Variants in HPSE2 observed in about 807,000 individuals in gnomAD.
The protein encoded by HPSE2 is inactive heparanase-2.
HPSE2 carries 38 observed loss-of-function variants against 60.5 expected under a neutral mutation model. The ratio of observed to expected loss-of-function variants is 0.63; its 90% CI spans 0.48 to 0.82. HPSE2 has a LOEUF of 0.82. Among genes scored for constraint, HPSE2 ranks in the 40% least tolerant of loss-of-function variants. HPSE2 has a pLI of 0.00. For missense variants in HPSE2, 713 were observed against 740.4 expected, an observed-to-expected ratio of 0.96 and a Z score of 0.43; for synonymous variants, 295 against 293.2, an observed-to-expected ratio of 1.01 and a Z score of -0.06.
At chr10:98,975,464 T>C (rs535434664) in intron 3 of HPSE2, among the ~76,000 whole-genome samples, 3 of 152,038 alleles carry the variant, frequency 2.0e-5, no homozygotes, top group Non-Finnish European at 2.9e-5. Context: ...ACAATAGTCA[T>C]GTGTTCTGGT....
chr10:98,509,272 C>A (rs1355471885), intron 9 of HPSE2, among the ~76,000 whole-genome samples: 1 of 151,856 alleles, frequency 6.6e-6, no homozygotes, highest in Non-Finnish European at 1.5e-5. Context: ...CAAGATCGCG[C>A]CACTGCACTC....
chr10:98,947,990 CA>C (rs1955239859), intron 3 of HPSE2, among the ~76,000 whole-genome samples: 1 of 152,042 alleles, frequency 6.6e-6, no homozygotes, highest in South Asian at 2.1e-4. Context: ...TGTCCCCAAA[CA>C]CAACATTTCT....
chr10:98,718,297 G>A (rs1375951812), intron 5 of HPSE2, among the ~76,000 whole-genome samples: 1 of 152,064 alleles, frequency 6.6e-6, no homozygotes, highest in Non-Finnish European at 1.5e-5. Context: ...CAGGCCACAG[G>A]CTGATCCCTG....
At chr10:98,880,455 T>G (rs1952992629) in intron 3 of HPSE2, among the ~76,000 whole-genome samples, 1 of 152,068 alleles carries the variant, frequency 6.6e-6, no homozygotes, top group African/African-American at 2.4e-5. Context: ...TAGGTCTTGC[T>G]CCAGGCCTGG....
chr10:98,890,196 T>G (rs1953294470), intron 3 of HPSE2, among the ~76,000 whole-genome samples: 1 of 152,206 alleles, frequency 6.6e-6, no homozygotes, highest in African/African-American at 2.4e-5. Flanking sequence ...ATTTTTATTT[T>G]GTTTTTACCC....
intron 4 of HPSE2, among the ~76,000 whole-genome samples, chr10:98,742,977 T>TA (rs5787306): frequency 0.036 from 5,087 of 141,632 alleles, 211 homozygotes; most frequent in East Asian, 0.17. Context: ...TTCTTTTCTT[T>TA]TTTTTTTTTT....
intron 3 of HPSE2, among the ~76,000 whole-genome samples, chr10:99,067,085 C>T (rs1463422996): frequency 6.6e-6 from 1 of 152,202 alleles, no homozygotes; most frequent in African/African-American, 2.4e-5. Context: ...AATATTAAAG[C>T]TCCAAAATGA....
the HPSE2 span, among the ~76,000 whole-genome samples, chr10:99,299,898 G>A: frequency 5.3e-5 from 8 of 151,888 alleles, no homozygotes; most frequent in Non-Finnish European, 7.4e-5. Context: ...TGTGCATTGC[G>A]TTACTTAGTC....
intron 2 of HPSE2, among the ~76,000 whole-genome samples, chr10:99,203,566 G>A (rs920412988): frequency 3.3e-5 from 5 of 151,472 alleles, no homozygotes; most frequent in African/African-American, 1.2e-4. Flanking sequence ...TGCTCAATCA[G>A]ACCCAGGATC....
At chr10:98,721,945 A>G in intron 4 of HPSE2, 117 bp from the exon 5 acceptor site, 2 of 889,958 alleles carry the variant, frequency 2.2e-6, no homozygotes, top group Non-Finnish European at 3.5e-6. Context: ...AAACAATAAA[A>G]AAGTGGGTGT....
chr10:98,625,546 A>G (rs1307047874), intron 7 of HPSE2, among the ~76,000 whole-genome samples: 2 of 152,202 alleles, frequency 1.3e-5, no homozygotes, highest in African/African-American at 4.8e-5. Context: ...ACAATCATGT[A>G]TTTCCACATT....
chr10:98,727,260 A>G (rs1949110159), intron 4 of HPSE2, among the ~76,000 whole-genome samples: 1 of 152,148 alleles, frequency 6.6e-6, no homozygotes, highest in African/African-American at 2.4e-5. Flanking sequence ...AAAAATAGAA[A>G]AGTTTGACTC....
the HPSE2 span, among the ~76,000 whole-genome samples, chr10:99,293,343 T>C: frequency 5.3e-5 from 8 of 152,368 alleles, no homozygotes; most frequent in South Asian, 1.0e-3. Context: ...GAAGCCTTTA[T>C]TGAGAGAATG....
chr10:98,820,630 A>G (rs938317618), intron 3 of HPSE2, among the ~76,000 whole-genome samples: 2 of 152,172 alleles, frequency 1.3e-5, no homozygotes, highest in Non-Finnish European at 2.9e-5. Flanking sequence ...TACCCCAATC[A>G]TCAGCTCTCT....
At chr10:99,026,333 A>G (rs1268631152) in intron 3 of HPSE2, among the ~76,000 whole-genome samples, 5 of 152,126 alleles carry the variant, frequency 3.3e-5, no homozygotes, top group East Asian at 3.8e-4. Flanking sequence ...ACTATACTTT[A>G]TCAGACAGAT....
intron 3 of HPSE2, among the ~76,000 whole-genome samples, chr10:98,978,104 A>C (rs1956127276): frequency 2.0e-5 from 3 of 152,156 alleles, no homozygotes; most frequent in Admixed American, 2.0e-4. Flanking sequence ...AAACACGCTT[A>C]ATTCCACAGC....
At chr10:98,695,663 C>G (rs11189751) in intron 5 of HPSE2, among the ~76,000 whole-genome samples, 21,111 of 152,138 alleles carry the variant, frequency 0.14, 1,921 homozygotes, top group Admixed American at 0.23. Context: ...TGCCACCCCC[C>G]CTAGCAGCAG....
At chr10:99,057,901 G>A (rs188758042) in intron 3 of HPSE2, among the ~76,000 whole-genome samples, 3 of 94,876 alleles carry the variant, frequency 3.2e-5, no homozygotes, top group East Asian at 6.4e-4. Flanking sequence ...ACAAGTGAAC[G>A]CTGAATCTTA....
At position 98,713,567 on chromosome 10, in the gene HPSE2, C is replaced by T. The variant is rs1178788149; in HGVS notation, c.956+8090G>A. On this transcript the variant is annotated intron_variant, in intron 5 of 11. Coordinates refer to ENST00000370552, the MANE Select transcript of HPSE2 (RefSeq NM_021828.5). ...CAAGATGGTCTCTGAAAGTAAGATGCTGTGGTCAAAAAAATTCAGAAAATT... is the reference window on the plus strand; with the variant it reads ...CAAGATGGTCTCTGAAAGTAAGATGTTGTGGTCAAAAAAATTCAGAAAATT... Among the ~76,000 whole-genome samples, 3 of 151,966 alleles carry T rather than the reference C, an allele frequency of 2.0e-5. No homozygotes were observed. In the East Asian group the frequency reaches 5.8e-4, roughly 29 times the overall value.
Sources: allele counts gnomAD v4.1 joint callset (sites outside exome capture counted in the v4.1 genomes callset), GRCh38; gene constraint gnomAD v4.1.1; transcripts MANE v1.5; gene names NCBI Gene and HGNC (gene_info 2026-07-23, HGNC 2026-07-21).